FHIT: variants seen among roughly 807,000 people sequenced by gnomAD.
FHIT encodes bis(5'-adenosyl)-triphosphatase.
Under a neutral mutation model 17.9 loss-of-function variants are expected in FHIT, and 19 were observed. That is an observed-to-expected ratio of 1.06 (90% CI 0.74 to 1.56). The LOEUF (loss-of-function observed/expected upper bound fraction) is 1.56. Ranked by LOEUF, FHIT falls within the 40% of genes most tolerant of loss-of-function variation. The pLI, the probability that FHIT is intolerant of heterozygous loss-of-function variation, is 0.00. For missense variants in FHIT, 248 were observed against 189.2 expected (o/e 1.31, Z -1.82); for synonymous variants, 81 against 69.7 (o/e 1.16, Z -0.81).
intron 3 of FHIT, among the ~76,000 whole-genome samples, chr3:60,906,737 G>C (rs1186448738): frequency 5.9e-5 from 9 of 152,154 alleles, no homozygotes; most frequent in Non-Finnish European, 1.2e-4. Context: ...ATATCATTTT[G>C]TGGAACTTCA....
At chr3:60,570,465 T>A (rs2037336374) in intron 4 of FHIT, among the ~76,000 whole-genome samples, 1 of 152,050 alleles carries the variant, frequency 6.6e-6, no homozygotes, top group South Asian at 2.1e-4. Context: ...CAGGAGGAGA[T>A]AAGAACCTGT....
At chr3:60,548,464 G>A (rs561469125) in intron 4 of FHIT, among the ~76,000 whole-genome samples, 2 of 152,250 alleles carry the variant, frequency 1.3e-5, no homozygotes, top group East Asian at 3.9e-4. Flanking sequence ...CAGGCCTTCA[G>A]CAAATGCACC....
At chr3:60,715,730 C>A (rs1455074201) in intron 4 of FHIT, among the ~76,000 whole-genome samples, 1 of 151,784 alleles carries the variant, frequency 6.6e-6, no homozygotes, top group East Asian at 1.9e-4. Context: ...ATGTAACTAA[C>A]CTGCACATTG....
chr3:60,168,507 A>G (rs1006930764), intron 5 of FHIT, among the ~76,000 whole-genome samples: 1 of 152,120 alleles, frequency 6.6e-6, no homozygotes, highest in Non-Finnish European at 1.5e-5. Context: ...TCTCCAAATG[A>G]TCTTGGAGAA....
chr3:60,193,220 G>A (rs1397708074), intron 5 of FHIT, among the ~76,000 whole-genome samples: 1 of 152,320 alleles, frequency 6.6e-6, no homozygotes, highest in Middle Eastern at 3.4e-3. Context: ...GCGGATGTGA[G>A]TATAATCACT....
chr3:60,973,079 G>A (rs1249227230), intron 3 of FHIT, among the ~76,000 whole-genome samples: 1 of 152,064 alleles, frequency 6.6e-6, no homozygotes, highest in Non-Finnish European at 1.5e-5. Flanking sequence ...TTGGCCATTT[G>A]TTCTTGTTTC....
At chr3:60,896,018 A>G (rs988521186) in intron 3 of FHIT, among the ~76,000 whole-genome samples, 3 of 151,876 alleles carry the variant, frequency 2.0e-5, no homozygotes, top group African/African-American at 7.3e-5. Context: ...CGGGCAGGGG[A>G]ACCTAACTGC....
intron 5 of FHIT, among the ~76,000 whole-genome samples, chr3:60,062,915 C>T (rs1165017452): frequency 2.0e-5 from 3 of 152,096 alleles, no homozygotes; most frequent in Non-Finnish European, 4.4e-5. Flanking sequence ...GGCAAACCTT[C>T]TTTTCCAGTA....
intron 5 of FHIT, among the ~76,000 whole-genome samples, chr3:60,506,987 G>C (rs1464253999): frequency 6.6e-6 from 1 of 152,096 alleles, no homozygotes; most frequent in Non-Finnish European, 1.5e-5. Flanking sequence ...AGTTACTATA[G>C]TGAAAAAAAA....
At chr3:60,864,343 A>G (rs1230055037) in intron 3 of FHIT, among the ~76,000 whole-genome samples, 1 of 152,156 alleles carries the variant, frequency 6.6e-6, no homozygotes, top group Non-Finnish European at 1.5e-5. Context: ...AAACCAGCCT[A>G]AAGTTACTAT....
At position 59,868,034 on chromosome 3, in the gene FHIT, G is replaced by GTTT. The variant is rs10633871; in HGVS notation, c.348+54309_348+54311dup. On this transcript the variant is annotated intron_variant, in intron 8 of 9. Transcript: ENST00000492590. ...ATGAATGAACTACTGCTGTGGAAAT[G>GTTT]TTTTTTTTTTTTTAAAAAAAAAAAA... is the stretch of plus-strand genomic sequence containing the variant. Among the ~76,000 whole-genome samples, 393 of 95,744 alleles carry GTTT rather than the reference G, an allele frequency of 4.1e-3. 4 individuals are homozygous for GTTT. Among genetic ancestry groups the GTTT allele is most frequent in the Non-Finnish European group, 4.6e-3 (225 of 49,414 alleles). 62.8% of individuals were successfully genotyped at this position (95,744 alleles called of 152,430 possible).
intron 5 of FHIT, among the ~76,000 whole-genome samples, chr3:60,364,075 T>C (rs1024392326): frequency 1.3e-5 from 2 of 152,212 alleles, no homozygotes; most frequent in African/African-American, 4.8e-5. Flanking sequence ...CCCACAACTT[T>C]GTAAACAGTC....
chr3:60,861,802 T>A (rs573703290), intron 3 of FHIT, among the ~76,000 whole-genome samples: 3 of 151,894 alleles, frequency 2.0e-5, no homozygotes, highest in Non-Finnish European at 2.9e-5. Context: ...ATAAATATAA[T>A]CCTTTTTTAA....
At chr3:59,852,517 A>G (rs1701982091) in intron 8 of FHIT, among the ~76,000 whole-genome samples, 1 of 152,172 alleles carries the variant, frequency 6.6e-6, no homozygotes, top group Non-Finnish European at 1.5e-5. Context: ...TTGTGAACCT[A>G]CAAGGACATA....
intron 3 of FHIT, among the ~76,000 whole-genome samples, chr3:60,825,663 G>C (rs1702085475): frequency 6.6e-6 from 1 of 152,064 alleles, no homozygotes; most frequent in Non-Finnish European, 1.5e-5. Flanking sequence ...GAGGGATCTA[G>C]GCTGCCTGCT....
chr3:60,795,003 C>T (rs143327659), intron 4 of FHIT, among the ~76,000 whole-genome samples: 1 of 152,206 alleles, frequency 6.6e-6, no homozygotes, highest in Non-Finnish European at 1.5e-5. Flanking sequence ...TCATTGTAAT[C>T]CGTTGCTTTT....
chr3:60,415,010 C>T (rs187816872), intron 5 of FHIT, among the ~76,000 whole-genome samples: 58 of 152,226 alleles, frequency 3.8e-4, no homozygotes, highest in African/African-American at 1.4e-3. Context: ...CCAGAGCCAT[C>T]CTCAGAGTTT....
chr3:60,326,599 G>A (rs1363515362), intron 5 of FHIT, among the ~76,000 whole-genome samples: 1 of 152,210 alleles, frequency 6.6e-6, no homozygotes, highest in Admixed American at 6.5e-5. Context: ...CCATGACGCA[G>A]GGGCTGGGGA....
intron 7 of FHIT, among the ~76,000 whole-genome samples, chr3:59,947,123 C>T (rs565554765): frequency 5.3e-5 from 8 of 152,284 alleles, no homozygotes; most frequent in Non-Finnish European, 1.2e-4. Flanking sequence ...TAGAATTTGG[C>T]TGTGAATCTG....
Sources: allele counts gnomAD v4.1 joint callset (sites outside exome capture counted in the v4.1 genomes callset), GRCh38; gene constraint gnomAD v4.1.1; transcripts MANE v1.5; gene names NCBI Gene and HGNC (gene_info 2026-07-23, HGNC 2026-07-21).